The following LRRC3B variants were observed in gnomAD, a reference collection of about 807,000 sequenced individuals.
LRRC3B encodes the protein leucine rich repeat containing 3B.
Under a neutral mutation model 12.8 loss-of-function variants are expected in LRRC3B, and 2 were observed. The observed-to-expected ratio is 0.16, with a 90% confidence interval of 0.06 to 0.49. The LOEUF is 0.49. LRRC3B is among the 20% of genes least tolerant of loss of function. The pLI is 0.96. For synonymous variants in LRRC3B, 132 were observed against 122.0 expected (o/e 1.08, Z -0.54); for missense variants, 189 against 319.4 (o/e 0.59, Z 3.11).
At chr3:26,700,172 A>G (rs1181530428) in intron 1 of LRRC3B, among the ~76,000 whole-genome samples, 1 of 152,172 alleles carries the variant, frequency 6.6e-6, no homozygotes. Context: ...TCTAGAACAA[A>G]TGGATTTCAT....
At chr3:26,686,379 G>A (rs189730159) in intron 1 of LRRC3B, among the ~76,000 whole-genome samples, 19 of 152,122 alleles carry the variant, frequency 1.2e-4, no homozygotes, top group African/African-American at 2.4e-4. Context: ...GCGCCCGGCC[G>A]GTAAATGGTT....
At chr3:26,669,916 C>A (rs1285946434) in intron 1 of LRRC3B, among the ~76,000 whole-genome samples, 2 of 152,208 alleles carry the variant, frequency 1.3e-5, no homozygotes, top group African/African-American at 4.8e-5. Flanking sequence ...AGGTGAGAGT[C>A]CTCCTTATCC....
At position 26,665,027 on chromosome 3, in the gene LRRC3B, C is replaced by T. The variant is rs1485484169; in HGVS notation, c.-161+41790C>T. On this transcript the variant is annotated intron_variant, in intron 1 of 1. Transcript: ENST00000396641. ...TGCTGCTGGTCTGTACCAGTTTAAG[C>T]AAAATGGGCTGCAGCAGCCTAAGGG... Among the ~76,000 whole-genome samples, 4 of 151,798 alleles carry T rather than the reference C, an allele frequency of 2.6e-5. No individual in the cohort carries two copies. In the South Asian group the frequency reaches 6.2e-4, roughly 24 times the overall value.
chr3:26,676,246 A>G (rs1387713976), intron 1 of LRRC3B, among the ~76,000 whole-genome samples: 2 of 68,924 alleles, frequency 2.9e-5, no homozygotes, highest in Non-Finnish European at 5.3e-5. Context: ...CCCCCACCCC[A>G]CAACAGGCCC....
chr3:26,693,321 T>A, intron 1 of LRRC3B, among the ~76,000 whole-genome samples: 1 of 101,466 alleles, frequency 9.9e-6, no homozygotes, highest in South Asian at 3.9e-4. Context: ...AGAGCGAAAC[T>A]CCGTCTCAAA....
chr3:26,690,758 C>G (rs754094993), intron 1 of LRRC3B, among the ~76,000 whole-genome samples: 68 of 151,940 alleles, frequency 4.5e-4, no homozygotes, highest in Admixed American at 7.2e-4. Context: ...AGAAGATAAA[C>G]TATTCATGTG....
At chr3:26,649,651 C>T (rs533969608) in intron 1 of LRRC3B, among the ~76,000 whole-genome samples, 1 of 152,284 alleles carries the variant, frequency 6.6e-6, no homozygotes, top group Non-Finnish European at 1.5e-5. Context: ...CTCCTTCTCC[C>T]TCTACCTCAT....
At position 26,634,787 on chromosome 3, in the gene LRRC3B, G is replaced by A. The variant is rs564544780; in HGVS notation, c.-161+11550G>A. ...CCCTATAAAAGTCAAATTATTTCTG[G>A]TTGAGGGGCTGAGCTTGGTGGATGT... On this transcript the variant is annotated intron_variant, in intron 1 of 1. Coordinates refer to ENST00000396641, the Ensembl canonical transcript of LRRC3B. Among the ~76,000 whole-genome samples, 65 of 152,260 alleles carry A rather than the reference G, an allele frequency of 4.3e-4. No individual in the cohort carries two copies. The Middle Eastern group carries it at 0.017, about 40-fold the overall frequency.
intron 1 of LRRC3B, among the ~76,000 whole-genome samples, chr3:26,645,308 C>A (rs947421594): frequency 6.6e-6 from 1 of 152,216 alleles, no homozygotes; most frequent in Non-Finnish European, 1.5e-5. Flanking sequence ...ATAGTTCCTT[C>A]CCAACTATTC....
In LRRC3B at chr3:26,709,595, T is replaced by C. The variant is rs976354856; in HGVS notation, c.-78T>C. 4.3e-6 allele frequency: 6 copies of C among 1,380,922 alleles called. No individual in the cohort carries two copies. In the African/African-American group the frequency reaches 7.2e-5, roughly 17 times the overall value. The allele number at this position is 1,380,922 out of a possible 1,614,324, so 85.5% of individuals were successfully genotyped here. On this transcript the variant is annotated 5_prime_UTR_variant, in exon 2 of 2. Transcript: ENST00000396641. ...AAACACGCAAGAAGGAAATCAATAG[T>C]GTGGACAGGGCTGGAACCTTTACCA... is the stretch of plus-strand genomic sequence containing the variant.
At chr3:26,665,799 C>T (rs1699586188) in intron 1 of LRRC3B, among the ~76,000 whole-genome samples, 1 of 152,082 alleles carries the variant, frequency 6.6e-6, no homozygotes, top group African/African-American at 2.4e-5. Flanking sequence ...CATCTTGGTT[C>T]TTTGTAAGAG....
intron 1 of LRRC3B, among the ~76,000 whole-genome samples, chr3:26,673,361 G>A (rs180700535): frequency 6.6e-6 from 1 of 152,232 alleles, no homozygotes; most frequent in East Asian, 1.9e-4. Flanking sequence ...ACCCAACAAT[G>A]CTGAAGAGGG....
intron 1 of LRRC3B, among the ~76,000 whole-genome samples, chr3:26,693,368 C>T (rs984877261): frequency 1.4e-5 from 2 of 145,750 alleles, no homozygotes; most frequent in African/African-American, 4.9e-5. Flanking sequence ...AGAGCAGGAA[C>T]ATGCAAGACC....
intron 1 of LRRC3B, among the ~76,000 whole-genome samples, chr3:26,673,694 T>C (rs1043329965): frequency 6.6e-6 from 1 of 152,186 alleles, no homozygotes; most frequent in Non-Finnish European, 1.5e-5. Context: ...CTTCTTACTG[T>C]GTCATATGCC....
At chr3:26,667,128 A>AAAC (rs1423927008) in intron 1 of LRRC3B, among the ~76,000 whole-genome samples, 1 of 151,592 alleles carries the variant, frequency 6.6e-6, no homozygotes, top group Admixed American at 6.6e-5. Context: ...AGAAAAAAAA[A>AAAC]AAAAAAAGCC....
intron 1 of LRRC3B, among the ~76,000 whole-genome samples, chr3:26,671,369 TATATAG>T (rs1156878343): frequency 0.01 from 392 of 38,162 alleles, 1 homozygote; most frequent in Non-Finnish European, 0.014. Context: ...TATATATATA[TATATAG>T]AGAGAGAGAG....
chr3:26,704,866 T>C (rs1700546752), intron 1 of LRRC3B, among the ~76,000 whole-genome samples: 1 of 152,228 alleles, frequency 6.6e-6, no homozygotes, highest in Non-Finnish European at 1.5e-5. Flanking sequence ...TGAGGGTTTT[T>C]CCCCGTTGAT....
chr3:26,642,413 A>G (rs949274529), intron 1 of LRRC3B, among the ~76,000 whole-genome samples: 17 of 152,188 alleles, frequency 1.1e-4, no homozygotes, highest in South Asian at 6.2e-4. Flanking sequence ...GAAGGCCTGC[A>G]CCAAGGTGTA....
chr3:26,627,182 G>A (rs1021331183), intron 1 of LRRC3B, among the ~76,000 whole-genome samples: 2 of 152,124 alleles, frequency 1.3e-5, no homozygotes, highest in Admixed American at 6.5e-5. Flanking sequence ...ACCTTTAAGC[G>A]TTTTTGTGGG....
Sources: allele counts gnomAD v4.1 joint callset (sites outside exome capture counted in the v4.1 genomes callset), GRCh38; gene constraint gnomAD v4.1.1; transcripts MANE v1.5; gene names NCBI Gene and HGNC (gene_info 2026-07-23, HGNC 2026-07-21).